The following LAMA3 variants were observed in gnomAD, a reference collection of about 807,000 sequenced individuals.
LAMA3 encodes laminin subunit alpha-3.
In LAMA3, 281 loss-of-function variants were observed where a neutral mutation model predicts 402.0. The ratio of observed to expected loss-of-function variants is 0.70; its 90% CI spans 0.63 to 0.77. LAMA3 has a LOEUF of 0.77. Ranked by LOEUF, LAMA3 falls within the 30% of genes least tolerant of loss-of-function variation. The pLI, the probability that LAMA3 is intolerant of heterozygous loss-of-function variation, is 0.00. For synonymous variants in LAMA3, 1,431 were observed against 1,558.4 expected, an observed-to-expected ratio of 0.92 and a Z score of 1.93; for missense variants, 3,840 against 4,215.5, an observed-to-expected ratio of 0.91 and a Z score of 2.47.
chr18:23,896,644 G>C (rs2080884876), intron 44 of LAMA3, among the ~76,000 whole-genome samples: 1 of 152,130 alleles, frequency 6.6e-6, no homozygotes, highest in Admixed American at 6.5e-5. Context: ...CCATGAATGG[G>C]GGCTAAAAAG....
chr18:23,728,713 C>G (rs1375704427), intron 2 of LAMA3, among the ~76,000 whole-genome samples: 1 of 152,100 alleles, frequency 6.6e-6, no homozygotes, highest in African/African-American at 2.4e-5. Flanking sequence ...TTTGCCAAAG[C>G]TCTCCAGTTG....
At chr18:23,867,747 G>C in intron 36 of LAMA3, 87 bp from the exon 37 acceptor site, 1 of 1,012,316 alleles carries the variant, frequency 9.9e-7, no homozygotes, top group Non-Finnish European at 1.6e-6. Context: ...ATATGATGTA[G>C]ACCATAGAAA....
chr18:23,916,422 A>G, intron 59 of LAMA3, 129 bp from the exon 60 acceptor site: 1 of 1,093,610 alleles, frequency 9.1e-7, no homozygotes, highest in Non-Finnish European at 1.4e-6. Flanking sequence ...CTGCTTTAAC[A>G]AAATTATGAC....
Position 23,943,844 on chromosome 18 carries a change from C to A in LAMA3, c.9083C>A (p.Thr3028Lys). 1.2e-6 allele frequency: 2 copies of A among 1,613,912 alleles called. 1 individual carries two copies. Among genetic ancestry groups the A allele is most frequent in the South Asian group, 2.2e-5 (2 of 91,082 alleles). The change falls in exon 69 of 75, where the codon ACG becomes AAG. Residue 3028 changes from threonine (T) to lysine (K), a missense_variant. Physicochemically the swap from Thr to Lys is moderately conservative, Grantham distance 78. Transcript: ENST00000313654. ...TCCTCCAGAGGACTGGTGTTTCACACGGGCACTAAGAACTCCTTTATGGCT... is the reference window on the plus strand; with the variant it reads ...TCCTCCAGAGGACTGGTGTTTCACAAGGGCACTAAGAACTCCTTTATGGCT... Reference protein sequence around the residue: ...TTSSRGLVFHTGTKNSFMALY... With the variant: ...TTSSRGLVFHKGTKNSFMALY...
At chr18:23,810,310 T>C (rs2063042576) in intron 12 of LAMA3, 56 bp from the exon 13 acceptor site, 1 of 1,603,376 alleles carries the variant, frequency 6.2e-7, no homozygotes, top group Admixed American at 1.7e-5. Flanking sequence ...GACGTGGTTC[T>C]TCCCCCTCCC....
intron 12 of LAMA3, among the ~76,000 whole-genome samples, chr18:23,806,350 G>A (rs879030344): frequency 3.9e-5 from 6 of 152,106 alleles, no homozygotes; most frequent in East Asian, 1.9e-4. Context: ...GAAGTGTAGC[G>A]CACCTTCTCA....
chr18:23,904,280 G>A lies in LAMA3; in HGVS notation c.6473+193G>A, dbSNP rs11082838. 0.16 allele frequency among the ~76,000 whole-genome samples: 24,188 copies of A among 152,002 alleles called. 2,824 individuals carry two copies. Among genetic ancestry groups the A allele is most frequent in the East Asian group, 0.6 (3,067 of 5,150 alleles). The stretch of plus-strand genomic sequence containing the variant: ...AATAAGGGCACTAATTCCTGGCCAC[G>A]TCCTTTGGGCACAGCTACAGAGGCC... On this transcript the variant is annotated intron_variant, in intron 50 of 74. Coordinates refer to ENST00000313654, the MANE Select transcript of LAMA3 (RefSeq NM_198129.4).
intron 2 of LAMA3, among the ~76,000 whole-genome samples, chr18:23,717,755 G>T (rs1339729379): frequency 1.6e-5 from 2 of 126,930 alleles, no homozygotes; most frequent in Admixed American, 8.2e-5. Context: ...TTTTTTAGTA[G>T]AGACAGGGTT....
intron 37 of LAMA3, 28 bp from the exon 38 acceptor site, chr18:23,871,403 G>T: frequency 6.2e-7 from 1 of 1,601,168 alleles, no homozygotes; most frequent in South Asian, 1.1e-5. Context: ...GCCTAAGGAA[G>T]ACCCTGACTT....
intron 13 of LAMA3, among the ~76,000 whole-genome samples, chr18:23,811,444 A>G (rs1165069986): frequency 6.6e-6 from 1 of 152,134 alleles, no homozygotes; most frequent in Non-Finnish European, 1.5e-5. Flanking sequence ...TTGAGGGTGG[A>G]AGTTGCAGCA....
chr18:23,952,569 C>T (rs552276374), intron 73 of LAMA3, among the ~76,000 whole-genome samples: 8 of 152,234 alleles, frequency 5.3e-5, no homozygotes, highest in Admixed American at 1.3e-4. Flanking sequence ...AATTTTGTGT[C>T]GAGAGTCAAA....
At chr18:23,749,594 T>A (rs776153042) in intron 4 of LAMA3, 48 bp downstream of exon 4, 2 of 1,111,586 alleles carry the variant, frequency 1.8e-6, no homozygotes, top group Non-Finnish European at 2.8e-6. Flanking sequence ...GAAATGACCA[T>A]GAGGATATCC....
At chr18:23,870,766 T>C (rs1331859249) in intron 37 of LAMA3, among the ~76,000 whole-genome samples, 1 of 152,220 alleles carries the variant, frequency 6.6e-6, no homozygotes, top group African/African-American at 2.4e-5. Context: ...ATTCCACTTA[T>C]ATGAATTATC....
intron 12 of LAMA3, among the ~76,000 whole-genome samples, chr18:23,786,708 A>G: frequency 6.6e-6 from 1 of 152,278 alleles, no homozygotes; most frequent in Non-Finnish European, 1.5e-5. Flanking sequence ...AGCAGCTATT[A>G]TAAATCTGTA....
intron 8 of LAMA3, among the ~76,000 whole-genome samples, chr18:23,765,311 G>T (rs1295708960): frequency 6.6e-6 from 1 of 152,178 alleles, no homozygotes; most frequent in Admixed American, 6.5e-5. Context: ...CCCTAATTCT[G>T]TATATAAATT....
intron 1 of LAMA3, among the ~76,000 whole-genome samples, chr18:23,704,202 ACAGATTTCTCT>A (rs1449352631): frequency 6.6e-6 from 1 of 152,216 alleles, no homozygotes; most frequent in Non-Finnish European, 1.5e-5. Flanking sequence ...CCTCTGCCAG[ACAGATTTCTCT>A]CCCCAGCTGG....
chr18:23,914,750 C>A lies in LAMA3; in HGVS notation c.7534C>A (p.Pro2512Thr). 1 of 1,613,606 alleles carries A rather than the reference C, an allele frequency of 6.2e-7. No individual in the cohort carries two copies. Among genetic ancestry groups the A allele is most frequent in the Non-Finnish European group, 8.5e-7 (1 of 1,179,552 alleles). ...CACCAAAGGAGCCACATCCAGTAAA[C>A]CAGAAACACCCGGAGTCTATGACAT... ...NYTKGATSSKPETPGVYDMDG... is the reference protein window; with the variant it reads ...NYTKGATSSKTETPGVYDMDG... The change falls in exon 58 of 75, where the codon CCA (proline) becomes ACA (threonine). Residue 2512 changes from proline to threonine, a missense_variant. Pro to Thr is a conservative substitution (Grantham distance 38). Transcript: ENST00000313654.
At position 23,818,840 on chromosome 18, in the gene LAMA3, C is replaced by A. The variant is rs548668730; in HGVS notation, c.2148-1001C>A. ...AATATTTCCTATTATCATTAGCCTT[C>A]ACATTTTAAATGGTTATGTATTTTT... On this transcript the variant is annotated intron_variant, in intron 18 of 74. Coordinates refer to ENST00000313654, the MANE Select transcript of LAMA3 (RefSeq NM_198129.4). Among the ~76,000 whole-genome samples, 3 of 152,180 alleles carry A rather than the reference C, an allele frequency of 2.0e-5. 1 individual carries two copies. The South Asian group carries it at 6.2e-4, about 32-fold the overall frequency.
At chr18:23,871,150 A>C (rs754646494) in intron 37 of LAMA3, among the ~76,000 whole-genome samples, 5 of 152,202 alleles carry the variant, frequency 3.3e-5, no homozygotes, top group Non-Finnish European at 5.9e-5. Context: ...GCACAAACAA[A>C]AGCACATTTA....
Sources: gnomAD v4.1 joint callset for allele counts (sites outside exome capture counted in the v4.1 genomes callset) on GRCh38, gnomAD v4.1.1 for gene constraint, MANE v1.5 for transcripts, NCBI Gene and HGNC (gene_info 2026-07-23, HGNC 2026-07-21) for gene names.